RIMS1: variants seen among roughly 807,000 people sequenced by gnomAD.
RIMS1 encodes regulating synaptic membrane exocytosis protein 1.
A neutral mutation model predicts 214.1 loss-of-function variants in RIMS1; 83 were observed. That is an observed-to-expected ratio of 0.39 (90% CI 0.32 to 0.47). RIMS1 has a LOEUF of 0.47. Ranked by LOEUF, RIMS1 falls within the 20% of genes least tolerant of loss-of-function variation. The pLI is 0.99. For missense variants in RIMS1, 2,050 were observed against 2,161.8 expected (o/e 0.95, Z 1.03); for synonymous variants, 793 against 786.8 (o/e 1.01, Z -0.13).
chr6:72,108,925 C>T lies in RIMS1; in HGVS notation c.471+8939C>T, dbSNP rs567730038. ...TCCATGTGTTCTCATTGTTCAGTTC[C>T]TACCTATGAGTGAGAAAATGCAGTG... On this transcript the variant is annotated intron_variant, in intron 4 of 33. Coordinates refer to ENST00000521978, the MANE Select transcript of RIMS1 (RefSeq NM_014989.7). 1.2e-4 allele frequency among the ~76,000 whole-genome samples: 18 copies of T among 145,786 alleles called. No homozygotes were observed. The East Asian group carries it at 3.5e-3, about 28-fold the overall frequency.
chr6:72,121,801 GTTC>G (rs1292960085), intron 4 of RIMS1, among the ~76,000 whole-genome samples: 1 of 151,794 alleles, frequency 6.6e-6, no homozygotes, highest in East Asian at 1.9e-4. Context: ...GTCATAAATA[GTTC>G]TTATTATTTT....
chr6:72,333,168 C>T, intron 28 of RIMS1, among the ~76,000 whole-genome samples: 1 of 151,810 alleles, frequency 6.6e-6, no homozygotes, highest in East Asian at 1.9e-4. Context: ...TTTCTTAAGC[C>T]TTGTTATGTG....
At chr6:72,271,281 AAAAAAATATATATATATAT>A (rs1334081866) in intron 22 of RIMS1, among the ~76,000 whole-genome samples, 1 of 68,390 alleles carries the variant, frequency 1.5e-5, no homozygotes, top group African/African-American at 6.1e-5. Context: ...AAAAAAAAAA[AAAAAAATATATATATATAT>A]ATATATATAT....
rs118046134 is a variant in RIMS1, at chr6:72,124,519, G to T, written c.471+24533G>T. 2.8e-3 allele frequency among the ~76,000 whole-genome samples: 418 copies of T among 151,884 alleles called. 5 individuals are homozygous for T. The highest frequency in any genetic ancestry group is 4.5e-3 in the Non-Finnish European group (303 of 67,832). ...TCTATGTTTCCTGAAGTTGAATGTT[G>T]GCCAGCCTTGCTAGGTTGGGGAAGT... On this transcript the variant is annotated intron_variant, in intron 4 of 33. Coordinates refer to ENST00000521978, the MANE Select transcript of RIMS1 (RefSeq NM_014989.7).
chr6:71,907,065 A>G (rs1775454901), intron 1 of RIMS1, among the ~76,000 whole-genome samples: 1 of 152,304 alleles, frequency 6.6e-6, no homozygotes, highest in Non-Finnish European at 1.5e-5. Context: ...TTTTAGCACA[A>G]TGCAGTTACC....
At chr6:72,115,349 G>A (rs968882592) in intron 4 of RIMS1, among the ~76,000 whole-genome samples, 7 of 151,884 alleles carry the variant, frequency 4.6e-5, no homozygotes, top group Admixed American at 3.3e-4. Context: ...AATACATAAT[G>A]TATATAGTAT....
At chr6:72,097,639 T>G (rs937380243) in intron 3 of RIMS1, among the ~76,000 whole-genome samples, 1 of 152,206 alleles carries the variant, frequency 6.6e-6, no homozygotes, top group Non-Finnish European at 1.5e-5. Flanking sequence ...ACTGATATGT[T>G]AAAGAAATAC....
At chr6:72,170,632 C>G (rs535217302) in intron 4 of RIMS1, among the ~76,000 whole-genome samples, 2 of 152,294 alleles carry the variant, frequency 1.3e-5, no homozygotes, top group African/African-American at 4.8e-5. Flanking sequence ...CTGCACCCAG[C>G]CTACCATTAT....
At chr6:72,126,653 G>A (rs1260515331) in intron 4 of RIMS1, 6 of 253,618 alleles carry the variant, frequency 2.4e-5, no homozygotes, top group Admixed American at 5.0e-5. Flanking sequence ...AGATATACAA[G>A]TGGCAAACAA....
At chr6:72,171,248 C>A (rs926698572) in intron 4 of RIMS1, among the ~76,000 whole-genome samples, 1 of 151,140 alleles carries the variant, frequency 6.6e-6, no homozygotes, top group Admixed American at 6.6e-5. Context: ...AATGTAGAAA[C>A]TTTAAATAAT....
intron 1 of RIMS1, among the ~76,000 whole-genome samples, chr6:71,893,388 T>TA (rs542607937): frequency 1.8e-3 from 270 of 152,196 alleles, no homozygotes; most frequent in African/African-American, 6.3e-3. Flanking sequence ...GGCAAAGTGA[T>TA]AAAGTTTGAA....
intron 2 of RIMS1, among the ~76,000 whole-genome samples, chr6:72,082,531 C>A (rs1562270666): frequency 6.6e-6 from 1 of 152,070 alleles, no homozygotes; most frequent in Non-Finnish European, 1.5e-5. Context: ...GTTTTGAACC[C>A]AGGAAATTTG....
intron 2 of RIMS1, among the ~76,000 whole-genome samples, chr6:72,036,441 C>T (rs2152049320): frequency 6.6e-6 from 1 of 152,232 alleles, no homozygotes; most frequent in South Asian, 2.1e-4. Context: ...TGCCCAAGGA[C>T]TATGCAAGGC....
At chr6:72,101,464 G>T (rs1279781920) in intron 4 of RIMS1, among the ~76,000 whole-genome samples, 1 of 151,888 alleles carries the variant, frequency 6.6e-6, no homozygotes, top group African/African-American at 2.4e-5. Context: ...GCCACATTTT[G>T]TCTTAGCCAT....
chr6:71,966,745 ACT>A lies in RIMS1; in HGVS notation c.165-2235_165-2234del, dbSNP rs564776119. Among the ~76,000 whole-genome samples, 330 of 151,880 alleles carry A rather than the reference ACT, an allele frequency of 2.2e-3. 2 individuals carry two copies. Among genetic ancestry groups the A allele is most frequent in the African/African-American group, 7.5e-3 (312 of 41,406 alleles). On this transcript the variant is annotated intron_variant, in intron 1 of 33. Coordinates refer to ENST00000521978, the MANE Select transcript of RIMS1 (RefSeq NM_014989.7). Reference sequence around the variant, plus strand: ...ACCATGTTGGCCAGTCTGGTCTCAAACTCTTGACCTCAACTGATCCACTGGCC... The same window carrying A: ...ACCATGTTGGCCAGTCTGGTCTCAAACTTGACCTCAACTGATCCACTGGCC...
rs991527819 is a variant in RIMS1, at chr6:72,260,707, A to C, written c.3056A>C (p.Glu1019Ala). The change falls in exon 19 of 34, where the codon GAG becomes GCG. Residue 1019 changes from glutamate (E) to alanine (A), a missense_variant and splice_region_variant. By Grantham distance (107) the Glu-to-Ala change is moderately radical (BLOSUM62 -1). This residue lies in a region of RIMS1 where 889 missense variants were observed against 885.5 expected (regional missense o/e 1.00). Transcript: ENST00000521978. ...DSQYLSEQDS[E>A]LLMLPRAKRG... is the part of the protein sequence containing the mutation. ...CACCACCCATCCTGTCTGTGCAGTG[A>C]GCTTCTTATGCTGCCCAGAGCAAAA... is the stretch of plus-strand genomic sequence containing the variant. 1.2e-6 allele frequency: 2 copies of C among 1,612,376 alleles called. No individual in the cohort carries two copies. Among genetic ancestry groups the C allele is most frequent in the Non-Finnish European group, 1.7e-6 (2 of 1,178,928 alleles).
chr6:72,065,525 A>AG (rs1449810839), intron 2 of RIMS1, among the ~76,000 whole-genome samples: 2 of 152,142 alleles, frequency 1.3e-5, no homozygotes, highest in African/African-American at 2.4e-5. Context: ...CGAGGAAAAA[A>AG]GAGACCAAGG....
chr6:71,954,745 C>G (rs956368748), intron 1 of RIMS1, among the ~76,000 whole-genome samples: 3 of 150,626 alleles, frequency 2.0e-5, no homozygotes, highest in Non-Finnish European at 4.4e-5. Flanking sequence ...AAAGTAAAAT[C>G]CACAGATCTG....
chr6:72,005,751 A>G (rs1807288534), intron 2 of RIMS1, among the ~76,000 whole-genome samples: 1 of 152,222 alleles, frequency 6.6e-6, no homozygotes, highest in Non-Finnish European at 1.5e-5. Context: ...TGAGCTTCAT[A>G]CTAGAGATAA....
Sources: gnomAD v4.1 joint callset for allele counts (sites outside exome capture counted in the v4.1 genomes callset) on GRCh38, gnomAD v4.1.1 for gene constraint, gnomAD v4.1.1 regional missense constraint, MANE v1.5 for transcripts, NCBI Gene and HGNC (gene_info 2026-07-23, HGNC 2026-07-21) for gene names.